Variants in C6orf89 observed in about 807,000 individuals in gnomAD.
C6orf89 encodes the protein chromosome 6 open reading frame 89.
A neutral mutation model predicts 40.7 loss-of-function variants in C6orf89; 29 were observed. That is an observed-to-expected ratio of 0.71 (90% CI 0.53 to 0.97). The LOEUF is 0.97. C6orf89 is among the 50% of genes least tolerant of loss of function. The pLI, the probability that C6orf89 is intolerant of heterozygous loss-of-function variation, is 0.00. For missense variants in C6orf89, 392 were observed against 429.1 expected, an observed-to-expected ratio of 0.91 and a Z score of 0.76; for synonymous variants, 165 against 152.2, an observed-to-expected ratio of 1.08 and a Z score of -0.62.
chr6:36,878,279 C>T (rs1056274005), intron 1 of C6orf89, among the ~76,000 whole-genome samples: 2 of 152,278 alleles, frequency 1.3e-5, no homozygotes, highest in East Asian at 3.9e-4. Flanking sequence ...TGGTTTCATA[C>T]ATTTATGTCA....
upstream of C6orf89, among the ~76,000 whole-genome samples, chr6:36,882,451 G>A (rs555725906): frequency 5.9e-5 from 9 of 152,206 alleles, no homozygotes; most frequent in Admixed American, 2.6e-4. Context: ...CGTAAGTCCC[G>A]TGTTAAGCAT....
rs1043362277 is a variant in C6orf89 at position 36,909,888 on chromosome 6, T to C, written c.404-4396T>C. Among the ~76,000 whole-genome samples the C allele has an allele frequency of 3.3e-5, 5 of 152,290 alleles. No homozygotes were observed. In the East Asian group the frequency reaches 9.6e-4, roughly 29 times the overall value. ...GCAAATATTGGTCAAATCTGTCCAT[T>C]TTTCCTTTATAGCCTCTAGGAAGCC... On this transcript the variant is annotated intron_variant, in intron 4 of 8. Transcript: ENST00000480824.
Position 36,894,547 on chromosome 6 carries a change from TG to T in C6orf89, c.-75del. The stretch of plus-strand genomic sequence containing the variant: ...ATTTTCCAGTTCTCAGCCGCTCAGT[TG>T]TGATCAAGGGACACGTGGTTTCCGA... On this transcript the variant is annotated 5_prime_UTR_variant, in exon 2 of 9. It removes the in-frame stop codon of an upstream open reading frame in the 5' UTR. Transcript: ENST00000480824. The T allele has an allele frequency of 1.0e-6, 1 of 985,418 alleles. No homozygotes were observed. The highest frequency in any genetic ancestry group is 4.7e-5 in the South Asian group (1 of 21,290). 61.0% of individuals were successfully genotyped at this position (985,418 alleles called of 1,614,324 possible). A position where few individuals can be genotyped will look rare whatever the true frequency, so the allele number is the denominator to read the frequency against.
In C6orf89 at chr6:36,916,549, A is replaced by G; in HGVS notation, c.800A>G (p.His267Arg). ...TCTTTAAACAAGTGCTCCTTTCTTC[A>G]CCCAGAACCTGTTGTGGGGAGTAAG... ...DASLNKCSFL[H>R]PEPVVGSKMH... Residue 267 changes from histidine (H) to arginine (R), a missense_variant, in exon 7 of 9, where the codon CAC (histidine) becomes CGC (arginine). Physicochemically the swap from His to Arg is conservative, Grantham distance 29. Transcript: ENST00000480824. 1 of 1,614,092 alleles carries G rather than the reference A, an allele frequency of 6.2e-7. No individual in the cohort carries two copies. Among genetic ancestry groups the G allele is most frequent in the Non-Finnish European group, 8.5e-7 (1 of 1,180,022 alleles).
intron 5 of C6orf89, 53 bp from the exon 6 acceptor site, chr6:36,914,501 A>G (rs1762244317): frequency 6.2e-7 from 1 of 1,611,732 alleles, no homozygotes; most frequent in Non-Finnish European, 8.5e-7. Context: ...AGCTCTAGGA[A>G]ATTTCTGACA....
At position 36,928,478 on chromosome 6, in the gene C6orf89, A is replaced by C. The variant is rs1762757578; in HGVS notation, c.*5037A>C. 1 of 152,876 alleles carries C rather than the reference A, an allele frequency of 6.5e-6. No homozygotes were observed. Among genetic ancestry groups the C allele is most frequent in the Admixed American group, 6.5e-5 (1 of 15,278 alleles). The allele number at this position is 152,876 out of a possible 1,614,324, so 9.5% of individuals were successfully genotyped here. A position where few individuals can be genotyped will look rare whatever the true frequency, so the allele number is the denominator to read the frequency against. On this transcript the variant is annotated 3_prime_UTR_variant, in exon 9 of 9. Transcript: ENST00000480824. The stretch of plus-strand genomic sequence containing the variant: ...CCCAGCACTGTGGACCCTTCCAGGG[A>C]GGTGACAGGAGCCAGCAGACACATG...
At chr6:36,911,199 G>A (rs555234217) in intron 4 of C6orf89, among the ~76,000 whole-genome samples, 49 of 152,242 alleles carry the variant, frequency 3.2e-4, no homozygotes, top group East Asian at 1.7e-3. Flanking sequence ...AATTAAATAA[G>A]TTAGGCTGGG....
chr6:36,897,182 T>A lies in C6orf89; in HGVS notation c.-19-2244T>A, dbSNP rs9296200. ...GAAAGAAAGGTCCAACTTCATTTTC[T>A]CATTTGTGGATATCCAGTGGTCCTA... On this transcript the variant is annotated intron_variant, in intron 2 of 8. Transcript: ENST00000480824. Among the ~76,000 whole-genome samples the A allele has an allele frequency of 3.3e-5, 5 of 150,306 alleles. No homozygotes were observed. The East Asian group carries it at 5.9e-4, about 18-fold the overall frequency.
At chr6:36,892,674 C>T (rs2150682453) in intron 1 of C6orf89, 2 of 152,056 alleles carry the variant, frequency 1.3e-5, no homozygotes, top group Middle Eastern at 3.4e-3. Flanking sequence ...GAGCTCCACT[C>T]CTAACAGTTC....
In C6orf89 at chr6:36,914,620, G is replaced by C. The variant is rs1166923302; in HGVS notation, c.622G>C (p.Gly208Arg). Residue 208 changes from glycine (G) to arginine (R), a missense_variant, in exon 6 of 9, where the codon GGC becomes CGC. Physicochemically the swap from Gly to Arg is moderately radical, Grantham distance 125. Coordinates refer to ENST00000480824, the MANE Select transcript of C6orf89 (RefSeq NM_001286635.2). ...GTGCCAGTACCCTGAGGCGACAGAA[G>C]GCTTCTCTGAAGGGTTTTTCGCCAA... Reference protein sequence around the residue: ...FLCQYPEATEGFSEGFFAKWW... With the variant: ...FLCQYPEATERFSEGFFAKWW... 5.6e-6 allele frequency: 9 copies of C among 1,614,154 alleles called. No individual in the cohort carries two copies. Among genetic ancestry groups the C allele is most frequent in the African/African-American group, 1.3e-5 (1 of 74,950 alleles).
In C6orf89 at chr6:36,916,441, A is replaced by C; in HGVS notation, c.696-4A>C. 1 of 1,613,952 alleles carries C rather than the reference A, an allele frequency of 6.2e-7. No homozygotes were observed. ...TACTTTTTTTCTGTTTCATACTTCT[A>C]CAGGAGGAGACCTCTGAACAGATCA... On this transcript the variant is annotated splice_region_variant and splice_polypyrimidine_tract_variant and intron_variant, in intron 6 of 8. Transcript: ENST00000480824.
chr6:36,877,102 T>C (rs1468491048), intron 1 of C6orf89, among the ~76,000 whole-genome samples: 1 of 152,246 alleles, frequency 6.6e-6, no homozygotes, highest in Non-Finnish European at 1.5e-5. Flanking sequence ...TTGTGAGATG[T>C]ATTCATGTTG....
rs1310962139 is a variant in C6orf89, at chr6:36,924,852, C to T, written c.*1411C>T. On this transcript the variant is annotated 3_prime_UTR_variant, in exon 9 of 9. Transcript: ENST00000480824. ...TGACGAGTGAAGATGGTTGTGAAGC[C>T]CTCTTCATTCCTGGAGGAGCCTGCA... 1 of 152,036 alleles carries T rather than the reference C, an allele frequency of 6.6e-6. No individual in the cohort carries two copies. Among genetic ancestry groups the T allele is most frequent in the Non-Finnish European group, 1.5e-5 (1 of 68,022 alleles). The allele number at this position is 152,036 out of a possible 1,614,324, so 9.4% of individuals were successfully genotyped here.
chr6:36,894,963 C>T lies in C6orf89; in HGVS notation c.-20+360C>T, dbSNP rs189924699. Among the ~76,000 whole-genome samples the T allele has an allele frequency of 2.9e-3, 441 of 152,196 alleles. 3 individuals carry two copies. Among genetic ancestry groups the T allele is most frequent in the Non-Finnish European group, 5.5e-3 (374 of 68,010 alleles). ...GCAGAAGTAGACCAAGTAATTTAACCGAAATCATCTCACTAGCAATTGGCA... is the reference window on the plus strand; with the variant it reads ...GCAGAAGTAGACCAAGTAATTTAACTGAAATCATCTCACTAGCAATTGGCA... On this transcript the variant is annotated intron_variant, in intron 2 of 8. Transcript: ENST00000480824.
At chr6:36,897,147 A>AAAAAG (rs1561862568) in intron 2 of C6orf89, among the ~76,000 whole-genome samples, 127 of 148,804 alleles carry the variant, frequency 8.5e-4, no homozygotes, top group Middle Eastern at 3.5e-3. Context: ...AAAAAAAAAA[A>AAAAAG]AAAAGAAAAG....
At chr6:36,882,273 A>G (rs947235640), upstream of C6orf89, among the ~76,000 whole-genome samples, 1 of 152,252 alleles carries the variant, frequency 6.6e-6, no homozygotes, top group African/African-American at 2.4e-5. Flanking sequence ...TATTTAACAA[A>G]CCTTTCAAAA....
chr6:36,893,054 C>A (rs1761278393), intron 1 of C6orf89, among the ~76,000 whole-genome samples: 2 of 152,136 alleles, frequency 1.3e-5, no homozygotes, highest in African/African-American at 4.8e-5. Flanking sequence ...CCTGCCTCAG[C>A]CTCCCAAGTA....
chr6:36,919,723 C>T, intron 8 of C6orf89, 22 bp downstream of exon 8: 1 of 1,581,992 alleles, frequency 6.3e-7, no homozygotes, highest in Non-Finnish European at 8.6e-7. Context: ...CCCAGGAGGG[C>T]AGGGTCAATG....
chr6:36,899,139 G>C (rs73732049), intron 2 of C6orf89, among the ~76,000 whole-genome samples: 1 of 152,168 alleles, frequency 6.6e-6, no homozygotes, highest in Non-Finnish European at 1.5e-5. Flanking sequence ...AGTCCCATTA[G>C]GATATATTGT....
Sources: gnomAD v4.1 joint callset for allele counts (sites outside exome capture counted in the v4.1 genomes callset) on GRCh38, gnomAD v4.1.1 for gene constraint, MANE v1.5 for transcripts, NCBI Gene and HGNC (gene_info 2026-07-23, HGNC 2026-07-21) for gene names.